Variants in OCA2 observed in about 807,000 individuals in gnomAD.
OCA2 encodes OCA2 melanosomal transmembrane protein.
A neutral mutation model predicts 100.2 loss-of-function variants in OCA2; 77 were observed. That is an observed-to-expected ratio of 0.77 (90% CI 0.64 to 0.93). The LOEUF is 0.93. Ranked by LOEUF, OCA2 falls within the 40% of genes least tolerant of loss-of-function variation. The probability of loss-of-function intolerance (pLI) is 0.00; values close to 1 mark genes in which losing one functional copy is unlikely to be tolerated. For missense variants in OCA2, 1,062 were observed against 1,089.1 expected (o/e 0.98, Z 0.35); for synonymous variants, 432 against 439.2 (o/e 0.98, Z 0.21).
chr15:28,088,650 T>C (rs2044820170), intron 1 of OCA2, among the ~76,000 whole-genome samples: 1 of 152,148 alleles, frequency 6.6e-6, no homozygotes, highest in Admixed American at 6.5e-5. Flanking sequence ...GTAGGTTCCG[T>C]GATGCCCCCT....
At chr15:27,998,572 GAAAT>G (rs2141089724) in intron 9 of OCA2, among the ~76,000 whole-genome samples, 1 of 148,250 alleles carries the variant, frequency 6.7e-6, no homozygotes, top group Non-Finnish European at 1.5e-5. Context: ...AGGATGTGGA[GAAAT>G]AGGAACACTT....
intron 17 of OCA2, among the ~76,000 whole-genome samples, chr15:27,953,798 T>C (rs1436132781): frequency 6.6e-6 from 1 of 151,910 alleles, no homozygotes; most frequent in East Asian, 1.9e-4. Context: ...AGACAGGTGA[T>C]GTTTGGTTAT....
At chr15:27,880,192 T>C (rs1258853728) in intron 19 of OCA2, among the ~76,000 whole-genome samples, 1 of 152,168 alleles carries the variant, frequency 6.6e-6, no homozygotes, top group Non-Finnish European at 1.5e-5. Flanking sequence ...GAGATCTCTA[T>C]TCTGTTCCAT....
intron 2 of OCA2, among the ~76,000 whole-genome samples, chr15:28,070,981 C>T (rs1406681518): frequency 1.4e-5 from 2 of 144,388 alleles, no homozygotes; most frequent in Non-Finnish European, 3.0e-5. Flanking sequence ...CGTTAAGAGT[C>T]ATCACCAATC....
At chr15:27,919,436 G>A (rs1369577322) in intron 19 of OCA2, among the ~76,000 whole-genome samples, 3 of 152,148 alleles carry the variant, frequency 2.0e-5, no homozygotes, top group Non-Finnish European at 4.4e-5. Context: ...ATGGTATTCA[G>A]AGCTAAAAAG....
intron 18 of OCA2, among the ~76,000 whole-genome samples, chr15:27,945,222 C>G (rs773783758): frequency 7.2e-5 from 11 of 152,164 alleles, no homozygotes; most frequent in Non-Finnish European, 1.5e-4. Context: ...TCAGCCACTC[C>G]AGGCCACATC....
chr15:27,937,299 C>T (rs58297639), intron 18 of OCA2, among the ~76,000 whole-genome samples: 17,377 of 152,048 alleles, frequency 0.11, 3,425 homozygotes, highest in African/African-American at 0.4. Flanking sequence ...ACCATTTGTC[C>T]GTTCTAGGGG....
intron 9 of OCA2, among the ~76,000 whole-genome samples, chr15:27,995,075 C>A (rs2041678989): frequency 6.6e-6 from 1 of 152,186 alleles, no homozygotes; most frequent in South Asian, 2.1e-4. Flanking sequence ...AGGGACCTAT[C>A]ACAGTTATAA....
At chr15:27,883,578 G>A (rs2037109645) in intron 19 of OCA2, among the ~76,000 whole-genome samples, 1 of 152,128 alleles carries the variant, frequency 6.6e-6, no homozygotes, top group South Asian at 2.1e-4. Context: ...TCATCAGGGC[G>A]AGGGAGATCA....
At chr15:27,950,101 T>C (rs1429424867) in intron 18 of OCA2, among the ~76,000 whole-genome samples, 1 of 152,224 alleles carries the variant, frequency 6.6e-6, no homozygotes, top group Non-Finnish European at 1.5e-5. Flanking sequence ...TAGTTAAAGA[T>C]GTGACTTTAA....
chr15:27,902,623 G>A (rs2037996817), intron 19 of OCA2, among the ~76,000 whole-genome samples: 1 of 152,144 alleles, frequency 6.6e-6, no homozygotes. Context: ...GGCCTCTCCT[G>A]GCAGTGACTG....
chr15:27,920,747 T>C (rs573994420), intron 19 of OCA2, among the ~76,000 whole-genome samples: 23 of 152,154 alleles, frequency 1.5e-4, no homozygotes, highest in Middle Eastern at 6.8e-3. Context: ...ATTCTGGAAT[T>C]GAACAATACA....
chr15:28,034,934 G>A (rs1472682538), intron 2 of OCA2, among the ~76,000 whole-genome samples: 1 of 152,130 alleles, frequency 6.6e-6, no homozygotes, highest in Non-Finnish European at 1.5e-5. Context: ...CCTCTGACGA[G>A]AGGGTCAGGA....
Position 27,848,712 on chromosome 15 carries a change from A to G in OCA2, c.2338+2670T>C, listed in dbSNP as rs115610913. On this transcript the variant is annotated intron_variant, in intron 22 of 23. Transcript: ENST00000354638. ...CTCCTGTGTCTGCAGTATACATTCCACTCAATAGGCCACACTCTCAGAACA... is the reference window on the plus strand; with the variant it reads ...CTCCTGTGTCTGCAGTATACATTCCGCTCAATAGGCCACACTCTCAGAACA... Among the ~76,000 whole-genome samples, 612 of 152,334 alleles carry G rather than the reference A, an allele frequency of 4.0e-3. 3 individuals are homozygous for G. Among genetic ancestry groups the G allele is most frequent in the African/African-American group, 0.014 (591 of 41,580 alleles).
chr15:28,044,949 T>C (rs2043305753), intron 2 of OCA2, among the ~76,000 whole-genome samples: 2 of 152,230 alleles, frequency 1.3e-5, no homozygotes, highest in Admixed American at 1.3e-4. Flanking sequence ...TTGGTTCCTT[T>C]ATAAGTAGCA....
the OCA2 span, among the ~76,000 whole-genome samples, chr15:27,733,047 C>T: frequency 6.6e-6 from 1 of 152,120 alleles, no homozygotes; most frequent in South Asian, 2.1e-4. Flanking sequence ...CTCTTGTGAC[C>T]CCCAAATCCA....
intron 1 of OCA2, among the ~76,000 whole-genome samples, chr15:28,094,566 GAA>G (rs113298353): frequency 6.7e-6 from 1 of 150,182 alleles, no homozygotes; most frequent in Non-Finnish European, 1.5e-5. Flanking sequence ...CTTATTTTTA[GAA>G]AAAAAAAATA....
intron 14 of OCA2, among the ~76,000 whole-genome samples, chr15:27,967,381 G>T (rs1410401875): frequency 2.6e-5 from 4 of 152,124 alleles, no homozygotes; most frequent in Non-Finnish European, 4.4e-5. Flanking sequence ...TTACACAAAT[G>T]ACAAGCCATC....
intron 18 of OCA2, among the ~76,000 whole-genome samples, chr15:27,934,586 T>C (rs553255237): frequency 6.6e-6 from 1 of 152,348 alleles, no homozygotes; most frequent in South Asian, 2.1e-4. Flanking sequence ...TATATAGCAA[T>C]AAGAAGCTCT....
Sources: allele counts gnomAD v4.1 joint callset (sites outside exome capture counted in the v4.1 genomes callset), GRCh38; gene constraint gnomAD v4.1.1; transcripts MANE v1.5; gene names NCBI Gene and HGNC (gene_info 2026-07-23, HGNC 2026-07-21).